Variants in PRICKLE2 observed in about 807,000 individuals in gnomAD.
PRICKLE2 encodes the protein prickle-like protein 2.
Under a neutral mutation model 81.4 loss-of-function variants are expected in PRICKLE2, and 21 were observed. That is an observed-to-expected ratio of 0.26 (90% CI 0.18 to 0.37). PRICKLE2 has a LOEUF of 0.37. Ranked by LOEUF, PRICKLE2 falls within the 10% of genes least tolerant of loss-of-function variation. The pLI is 1.00. For synonymous variants in PRICKLE2, 456 were observed against 421.5 expected, an observed-to-expected ratio of 1.08 and a Z score of -1.00; for missense variants, 940 against 1,109.0, an observed-to-expected ratio of 0.85 and a Z score of 2.16.
At chr3:64,263,518 G>A (rs1355721472) in intron 2 of PRICKLE2, among the ~76,000 whole-genome samples, 1 of 152,172 alleles carries the variant, frequency 6.6e-6, no homozygotes, top group Non-Finnish European at 1.5e-5. Context: ...TTCCCTTTGA[G>A]TTCACTTTCC....
chr3:64,116,648 A>C (rs1463565002), intron 7 of PRICKLE2, among the ~76,000 whole-genome samples: 1 of 152,240 alleles, frequency 6.6e-6, no homozygotes, highest in African/African-American at 2.4e-5. Context: ...TGAACCAGGA[A>C]GAAATTGAAT....
intron 1 of PRICKLE2, among the ~76,000 whole-genome samples, chr3:64,223,922 A>G (rs543262143): frequency 6.6e-6 from 1 of 152,312 alleles, no homozygotes; most frequent in South Asian, 2.1e-4. Context: ...TTGGGAAGAG[A>G]TGTGCAGGCA....
chr3:64,174,245 C>T (rs554925211), intron 2 of PRICKLE2, among the ~76,000 whole-genome samples: 96 of 152,276 alleles, frequency 6.3e-4, no homozygotes, highest in African/African-American at 2.1e-3. Context: ...GAGTCCTAAC[C>T]ATGACAAATT....
At chr3:64,238,959 G>GC (rs2079221839) in intron 2 of PRICKLE2, among the ~76,000 whole-genome samples, 1 of 152,130 alleles carries the variant, frequency 6.6e-6, no homozygotes, top group African/African-American at 2.4e-5. Flanking sequence ...GGAATCCCTG[G>GC]CAGCCAGGGC....
chr3:64,133,854 G>C lies in PRICKLE2; in HGVS notation c.1660+12976C>G, dbSNP rs142472965. Among the ~76,000 whole-genome samples the C allele has an allele frequency of 2.0e-5, 3 of 152,256 alleles. No individual in the cohort carries two copies. The East Asian group carries it at 5.8e-4, about 29-fold the overall frequency. Reference sequence around the variant, plus strand: ...GGGGTCAACATGGGTCTGGATCATTGACATGTACAGAATCGCCAAATCTCA... The same window carrying C: ...GGGGTCAACATGGGTCTGGATCATTCACATGTACAGAATCGCCAAATCTCA... On this transcript the variant is annotated intron_variant, in intron 7 of 7. Transcript: ENST00000638394.
intron 2 of PRICKLE2, among the ~76,000 whole-genome samples, chr3:64,167,291 T>G (rs1316514886): frequency 6.6e-6 from 1 of 152,248 alleles, no homozygotes; most frequent in Non-Finnish European, 1.5e-5. Context: ...TTTCATTCTG[T>G]GTGTATTGAA....
chr3:64,240,694 C>T (rs1314467051), intron 2 of PRICKLE2, among the ~76,000 whole-genome samples: 1 of 152,164 alleles, frequency 6.6e-6, no homozygotes, highest in African/African-American at 2.4e-5. Flanking sequence ...TGATCCTGGA[C>T]CAGCAGCCTC....
intron 7 of PRICKLE2, among the ~76,000 whole-genome samples, chr3:64,130,391 A>G (rs2077179154): frequency 6.6e-6 from 1 of 152,198 alleles, no homozygotes; most frequent in African/African-American, 2.4e-5. Context: ...CCACAGAGCC[A>G]GTAATGGACA....
intron 2 of PRICKLE2, among the ~76,000 whole-genome samples, chr3:64,183,627 T>G (rs1220105282): frequency 1.3e-5 from 2 of 152,174 alleles, no homozygotes; most frequent in Non-Finnish European, 2.9e-5. Context: ...ATAGAGTATA[T>G]CACAGCAATA....
chr3:64,110,003 T>C (rs557017812), intron 7 of PRICKLE2, among the ~76,000 whole-genome samples: 2 of 152,298 alleles, frequency 1.3e-5, no homozygotes, highest in South Asian at 2.1e-4. Context: ...ATGGAGTCAA[T>C]TTTAACTAAA....
At chr3:64,120,091 C>A (rs978973490) in intron 7 of PRICKLE2, among the ~76,000 whole-genome samples, 2 of 152,144 alleles carry the variant, frequency 1.3e-5, no homozygotes, top group Non-Finnish European at 2.9e-5. Context: ...GTTTGAAAAT[C>A]TAACTATTGG....
intron 2 of PRICKLE2, among the ~76,000 whole-genome samples, chr3:64,262,604 G>A (rs1033982622): frequency 1.3e-5 from 2 of 151,650 alleles, no homozygotes; most frequent in African/African-American, 4.8e-5. Flanking sequence ...CAAGCAGGAA[G>A]GAGGCAGGAG....
At chr3:64,256,444 C>G (rs574699233) in intron 2 of PRICKLE2, among the ~76,000 whole-genome samples, 19 of 152,248 alleles carry the variant, frequency 1.2e-4, no homozygotes, top group African/African-American at 4.1e-4. Flanking sequence ...TACCTACATA[C>G]TAGTCTTGAT....
chr3:64,174,231 G>GT (rs1487721509), intron 2 of PRICKLE2, among the ~76,000 whole-genome samples: 4 of 152,208 alleles, frequency 2.6e-5, no homozygotes, highest in African/African-American at 9.7e-5. Flanking sequence ...GATGTTGAAT[G>GT]TTTGAGTCCT....
intron 2 of PRICKLE2, among the ~76,000 whole-genome samples, chr3:64,266,299 G>T (rs915536013): frequency 6.6e-6 from 1 of 152,050 alleles, no homozygotes; most frequent in Non-Finnish European, 1.5e-5. Context: ...GCCACAATTT[G>T]TTATTCTAAC....
chr3:64,109,940 C>T (rs2076816914), intron 7 of PRICKLE2, among the ~76,000 whole-genome samples: 1 of 152,080 alleles, frequency 6.6e-6, no homozygotes, highest in Non-Finnish European at 1.5e-5. Flanking sequence ...ACCTTCTATC[C>T]CTTTCCTTGC....
intron 7 of PRICKLE2, among the ~76,000 whole-genome samples, chr3:64,133,568 T>A (rs563494081): frequency 1.3e-5 from 2 of 150,918 alleles, no homozygotes; most frequent in African/African-American, 2.4e-5. Flanking sequence ...GAATTCTCTG[T>A]GAAGTTAATT....
chr3:64,203,204 G>A (rs572534668), intron 1 of PRICKLE2, among the ~76,000 whole-genome samples: 1 of 152,114 alleles, frequency 6.6e-6, no homozygotes, highest in Non-Finnish European at 1.5e-5. Flanking sequence ...GATCTCGTTT[G>A]CATCTCCAAC....
upstream of PRICKLE2, chr3:64,225,620 G>C: frequency 4.8e-6 from 1 of 206,944 alleles, no homozygotes; most frequent in African/African-American, 2.4e-5. Context: ...GAGAGGGGAA[G>C]GAAGCCTTTG....
Sources: gnomAD v4.1 joint callset for allele counts (sites outside exome capture counted in the v4.1 genomes callset) on GRCh38, gnomAD v4.1.1 for gene constraint, MANE v1.5 for transcripts, NCBI Gene and HGNC (gene_info 2026-07-23, HGNC 2026-07-21) for gene names.